Variants in IGF2BP2 observed in about 807,000 individuals in gnomAD.
IGF2BP2 encodes insulin-like growth factor 2 mRNA-binding protein 2.
IGF2BP2 carries 17 observed loss-of-function variants against 75.8 expected under a neutral mutation model. That is an observed-to-expected ratio of 0.22 (90% CI 0.15 to 0.34). The LOEUF (loss-of-function observed/expected upper bound fraction) is 0.34. IGF2BP2 is among the 10% of genes least tolerant of loss of function. The probability of loss-of-function intolerance (pLI) is 1.00; values close to 1 mark genes in which losing one functional copy is unlikely to be tolerated. For missense variants in IGF2BP2, 516 were observed against 772.4 expected (o/e 0.67, Z 3.93); for synonymous variants, 288 against 295.6 (o/e 0.97, Z 0.26).
chr3:185,696,665 T>A lies in IGF2BP2; in HGVS notation c.289-2A>T. ...TTGAGCCAAAAGTCCATCCAACACCTAAAAGAGAAAGCTTCCATGTCAGAA... is the reference window on the plus strand; with the variant it reads ...TTGAGCCAAAAGTCCATCCAACACCAAAAAGAGAAAGCTTCCATGTCAGAA... On this transcript the variant is annotated splice_acceptor_variant, in intron 3 of 15. Coordinates refer to ENST00000382199, the MANE Select transcript of IGF2BP2 (RefSeq NM_006548.6). LOFTEE classifies it high-confidence loss of function. The A allele has an allele frequency of 6.2e-7, 1 of 1,613,210 alleles. No individual in the cohort carries two copies. The highest frequency in any genetic ancestry group is 8.5e-7 in the Non-Finnish European group (1 of 1,179,490).
intron 2 of IGF2BP2, among the ~76,000 whole-genome samples, chr3:185,810,771 CA>C (rs999636588): frequency 2.1e-4 from 20 of 94,432 alleles, no homozygotes; most frequent in Middle Eastern, 5.2e-3. Flanking sequence ...GACTCTGTCT[CA>C]AAAAAAAAAA....
intron 2 of IGF2BP2, among the ~76,000 whole-genome samples, chr3:185,720,483 A>T (rs990314202): frequency 3.3e-5 from 5 of 152,168 alleles, no homozygotes; most frequent in Admixed American, 3.3e-4. Context: ...ATTTAAAGCT[A>T]CTAACATGAT....
At chr3:185,752,457 A>C (rs185289938) in intron 2 of IGF2BP2, among the ~76,000 whole-genome samples, 10 of 152,344 alleles carry the variant, frequency 6.6e-5, no homozygotes, top group Admixed American at 5.2e-4. Context: ...ATTCTCTTTT[A>C]TACTCCAATA....
At chr3:185,778,998 C>T (rs933910521) in intron 2 of IGF2BP2, among the ~76,000 whole-genome samples, 3 of 151,968 alleles carry the variant, frequency 2.0e-5, no homozygotes, top group Non-Finnish European at 4.4e-5. Context: ...TGGTGTATGC[C>T]GCTCTATGGC....
intron 2 of IGF2BP2, among the ~76,000 whole-genome samples, chr3:185,702,037 T>C (rs1335319968): frequency 2.6e-5 from 4 of 152,182 alleles, no homozygotes; most frequent in Non-Finnish European, 5.9e-5. Flanking sequence ...CTTTCCAGAA[T>C]GTCTCCAGAA....
At chr3:185,715,377 C>A (rs186443390) in intron 2 of IGF2BP2, among the ~76,000 whole-genome samples, 50 of 152,274 alleles carry the variant, frequency 3.3e-4, no homozygotes, top group African/African-American at 1.1e-3. Flanking sequence ...GGTGATAAAC[C>A]TTTCACCAAG....
At position 185,645,309 on chromosome 3, in the gene IGF2BP2, C is replaced by A. The variant is rs893696579; in HGVS notation, c.*222G>T. ...TGCAGAAGCCCTGGGGGGCGGGAGG[C>A]GGGGCTCGGTGGTTCTGGCAAACCT... On this transcript the variant is annotated 3_prime_UTR_variant, in exon 16 of 16. Coordinates refer to ENST00000382199, the MANE Select transcript of IGF2BP2 (RefSeq NM_006548.6). This position sits in a 1 kb window ranked among gnomAD's most constrained non-coding sequence, Gnocchi z 4.9. 1 of 554,204 alleles carries A rather than the reference C, an allele frequency of 1.8e-6. No individual in the cohort carries two copies. The allele number at this position is 554,204 out of a possible 1,614,324, so 34.3% of individuals were successfully genotyped here.
intron 2 of IGF2BP2, among the ~76,000 whole-genome samples, chr3:185,706,427 G>C (rs1724029816): frequency 6.6e-6 from 1 of 152,108 alleles, no homozygotes; most frequent in Non-Finnish European, 1.5e-5. Flanking sequence ...AAATAAAAAA[G>C]AAGTGGAAGG....
intron 2 of IGF2BP2, among the ~76,000 whole-genome samples, chr3:185,734,726 TTTC>T (rs1415354774): frequency 6.6e-6 from 1 of 152,244 alleles, no homozygotes; most frequent in Non-Finnish European, 1.5e-5. Flanking sequence ...TAAGCTCAAC[TTTC>T]TTTGGACAGA....
chr3:185,665,473 A>AAGGAGAAGAAGG (rs558744301), intron 10 of IGF2BP2, among the ~76,000 whole-genome samples: 2 of 66,844 alleles, frequency 3.0e-5, no homozygotes, highest in East Asian at 3.5e-4. Flanking sequence ...GAAGAAGAAG[A>AAGGAGAAGAAGG]AGGAGAAGAA....
chr3:185,739,136 C>A (rs1729211455), intron 2 of IGF2BP2, among the ~76,000 whole-genome samples: 1 of 152,110 alleles, frequency 6.6e-6, no homozygotes, highest in Admixed American at 6.6e-5. Context: ...TGGGATTTAG[C>A]AGCGTTCTGA....
At chr3:185,739,877 C>A (rs1389703728) in intron 2 of IGF2BP2, among the ~76,000 whole-genome samples, 1 of 112,784 alleles carries the variant, frequency 8.9e-6, no homozygotes, top group Non-Finnish European at 1.8e-5. Context: ...CACCCCGAGA[C>A]AAGGTCTCAC....
At chr3:185,665,320 A>AAGGAGGAGGAGG (rs773580962) in intron 10 of IGF2BP2, among the ~76,000 whole-genome samples, 3 of 50,144 alleles carry the variant, frequency 6.0e-5, no homozygotes, top group Admixed American at 2.1e-4. Flanking sequence ...GCAGAAGGAG[A>AAGGAGGAGGAGG]AGGAGGAGGA....
At chr3:185,808,725 A>ATTTT (rs71164545) in intron 2 of IGF2BP2, among the ~76,000 whole-genome samples, 3,181 of 141,034 alleles carry the variant, frequency 0.023, 41 homozygotes, top group African/African-American at 0.035. Context: ...ACACCTGGCT[A>ATTTT]TTTTTTTTTT....
At chr3:185,716,059 T>G (rs541592791) in intron 2 of IGF2BP2, among the ~76,000 whole-genome samples, 1 of 152,306 alleles carries the variant, frequency 6.6e-6, no homozygotes, top group East Asian at 1.9e-4. Context: ...AATACTCTTC[T>G]GTTTTTAACA....
chr3:185,643,913 G>A lies in IGF2BP2; in HGVS notation c.*1618C>T, dbSNP rs557446446. On this transcript the variant is annotated 3_prime_UTR_variant, in exon 16 of 16. Transcript: ENST00000382199. ...CTTTAGCGCAAAAAGCCCTAATGGC[G>A]CGTACCCTATTAAAATTCAGGACAT... 15 of 150,928 alleles carry A rather than the reference G, an allele frequency of 9.9e-5. No individual in the cohort carries two copies. The East Asian group carries it at 1.4e-3, about 14-fold the overall frequency. The allele number at this position is 150,928 out of a possible 1,614,324, so 9.3% of individuals were successfully genotyped here. A position where few individuals can be genotyped will look rare whatever the true frequency, so the allele number is the denominator to read the frequency against.
At chr3:185,651,283 C>T (rs1290207939) in intron 13 of IGF2BP2, among the ~76,000 whole-genome samples, 1 of 152,222 alleles carries the variant, frequency 6.6e-6, no homozygotes, top group Non-Finnish European at 1.5e-5. Flanking sequence ...TGCATCAGTA[C>T]TTCATTCCTT....
At chr3:185,794,091 G>A (rs1400464471) in intron 2 of IGF2BP2, among the ~76,000 whole-genome samples, 2 of 151,462 alleles carry the variant, frequency 1.3e-5, no homozygotes, top group African/African-American at 4.9e-5. Flanking sequence ...TCAAGCAGCT[G>A]AGACTACAGG....
At chr3:185,707,895 T>C (rs1724273334) in intron 2 of IGF2BP2, among the ~76,000 whole-genome samples, 1 of 152,238 alleles carries the variant, frequency 6.6e-6, no homozygotes, top group Admixed American at 6.5e-5. Flanking sequence ...CAAGTTTTAC[T>C]AGAACTTCTC....
Sources: allele counts gnomAD v4.1 joint callset (sites outside exome capture counted in the v4.1 genomes callset), GRCh38; gene constraint gnomAD v4.1.1; non-coding constraint Gnocchi (gnomAD v3.1); transcripts MANE v1.5; gene names NCBI Gene and HGNC (gene_info 2026-07-23, HGNC 2026-07-21).